Variants in SLC6A13 observed in about 807,000 individuals in gnomAD.
The protein encoded by SLC6A13 is solute carrier family 6 member 13, also known as sodium- and chloride-dependent GABA transporter 2.
In SLC6A13, 69 loss-of-function variants were observed where a neutral mutation model predicts 72.9. The ratio of observed to expected loss-of-function variants is 0.95; its 90% CI spans 0.78 to 1.16. The LOEUF is 1.16. Among genes scored for constraint, SLC6A13 ranks in the 50% most tolerant of loss-of-function variants. The pLI is 0.00. For missense variants in SLC6A13, 735 were observed against 760.5 expected, an observed-to-expected ratio of 0.97 and a Z score of 0.39; for synonymous variants, 303 against 303.0, an observed-to-expected ratio of 1.00 and a Z score of 0.00.
At chr12:241,856 G>A (rs932475757) in intron 4 of SLC6A13, among the ~76,000 whole-genome samples, 2 of 152,212 alleles carry the variant, frequency 1.3e-5, no homozygotes, top group African/African-American at 2.4e-5. Context: ...ACATAGCAAC[G>A]CTTCAGCCAA....
intron 1 of SLC6A13, among the ~76,000 whole-genome samples, chr12:261,577 G>A (rs11062182): frequency 2.0e-5 from 3 of 152,330 alleles, no homozygotes; most frequent in African/African-American, 7.2e-5. Context: ...AACTTTCTCA[G>A]CAGTAACCTC....
At chr12:221,928 A>G (rs1334160833) in intron 13 of SLC6A13, among the ~76,000 whole-genome samples, 3 of 152,202 alleles carry the variant, frequency 2.0e-5, no homozygotes, top group Non-Finnish European at 2.9e-5. Context: ...TATCTGGCAC[A>G]CAGTGGGGAG....
Position 259,926 on chromosome 12 carries a change from G to T in SLC6A13, c.127C>A (p.Leu43Met). Residue 43 changes from leucine to methionine, a missense_variant, in exon 2 of 15, where the codon CTG (leucine) becomes ATG (methionine). Physicochemically the swap from Leu to Met is conservative, Grantham distance 15 (BLOSUM62 2). Coordinates refer to ENST00000343164, the MANE Select transcript of SLC6A13 (RefSeq NM_016615.5). ...CCAATGATCTCCCCAGCCACTGACA[G>T]CACAAACTCCATCTTGTTGTTCCAG... ...GHWNNKMEFV[L>M]SVAGEIIGLG... is the part of the protein sequence containing the mutation. The T allele has an allele frequency of 6.2e-7, 1 of 1,614,200 alleles. No homozygotes were observed. Among genetic ancestry groups the T allele is most frequent in the Non-Finnish European group, 8.5e-7 (1 of 1,180,024 alleles).
intron 14 of SLC6A13, 88 bp from the exon 15 acceptor site, chr12:221,158 A>C: frequency 6.7e-7 from 1 of 1,484,406 alleles, no homozygotes; most frequent in African/African-American, 1.4e-5. Context: ...CTGCCTCCCC[A>C]CACACAAACC....
chr12:233,796 C>T (rs1335794483), intron 7 of SLC6A13, among the ~76,000 whole-genome samples: 2 of 152,086 alleles, frequency 1.3e-5, no homozygotes, highest in Admixed American at 6.5e-5. Flanking sequence ...TCCCTGGCAG[C>T]TGTGAACCCA....
At position 224,455 on chromosome 12, in the gene SLC6A13, AG is replaced by A; in HGVS notation, c.1118del (p.Pro373LeufsTer23). 2 of 1,614,188 alleles carry A rather than the reference AG, an allele frequency of 1.2e-6. No individual in the cohort carries two copies. Among genetic ancestry groups the A allele is most frequent in the South Asian group, 2.2e-5 (2 of 91,086 alleles). ...TGAAGAAGAAACAGCAGGCCCAGAG[AG>A]GAGAGAAGGGCAGCATCACCACAGC... ...PRAVVMLPFS[P>X]LWACCFFFMV... On this transcript the variant is annotated frameshift_variant, in exon 10 of 15. Transcript: ENST00000343164. LOFTEE classifies it high-confidence loss of function.
In SLC6A13 at chr12:258,095, G is replaced by A. The variant is rs78455784; in HGVS notation, c.202+1756C>T. ...AAATTCCTAAACAAGCACGTGGAGC[G>A]TTCGGCACTAGGTAAAAAGTGGGTA... On this transcript the variant is annotated intron_variant, in intron 2 of 14. Coordinates refer to ENST00000343164, the MANE Select transcript of SLC6A13 (RefSeq NM_016615.5). 1.5e-3 allele frequency among the ~76,000 whole-genome samples: 227 copies of A among 152,336 alleles called. 2 individuals carry two copies. The highest frequency in any genetic ancestry group is 4.6e-3 in the African/African-American group (192 of 41,570).
intron 7 of SLC6A13, among the ~76,000 whole-genome samples, chr12:229,882 C>T (rs77960318): frequency 0.044 from 6,726 of 152,180 alleles, 210 homozygotes; most frequent in African/African-American, 0.083. Flanking sequence ...TACCTCGCCT[C>T]GGCAGGGGTG....
chr12:259,639 G>A (rs1199399549), intron 2 of SLC6A13: 21 of 1,427,916 alleles, frequency 1.5e-5, no homozygotes, highest in Non-Finnish European at 1.7e-5. Flanking sequence ...ATATTTCTAC[G>A]ATGCCACGTT....
intron 4 of SLC6A13, among the ~76,000 whole-genome samples, chr12:238,780 G>T (rs569891980): frequency 3.3e-5 from 5 of 152,236 alleles, no homozygotes; most frequent in African/African-American, 7.2e-5. Flanking sequence ...TCAGCAAATT[G>T]TCTGGGTTCC....
At chr12:222,799 T>C (rs1042301917) in intron 12 of SLC6A13, among the ~76,000 whole-genome samples, 167 bp from the exon 13 acceptor site, 38 of 152,148 alleles carry the variant, frequency 2.5e-4, no homozygotes, top group Admixed American at 4.6e-4. Flanking sequence ...CTGGCATTCA[T>C]AGGCATAAAC....
chr12:230,850 A>G (rs764408949), intron 7 of SLC6A13, among the ~76,000 whole-genome samples: 1 of 152,218 alleles, frequency 6.6e-6, no homozygotes, highest in African/African-American at 2.4e-5. Context: ...AGAGGGACAT[A>G]ATAAGGTTAG....
chr12:237,851 C>A, intron 5 of SLC6A13, 75 bp downstream of exon 5: 1 of 1,092,490 alleles, frequency 9.2e-7, no homozygotes, highest in Non-Finnish European at 1.4e-6. Flanking sequence ...TTGAGAGTGA[C>A]CTTGGTGTGT....
chr12:246,256 T>C (rs1942345736), intron 2 of SLC6A13, among the ~76,000 whole-genome samples: 1 of 152,114 alleles, frequency 6.6e-6, no homozygotes, highest in Admixed American at 6.5e-5. Context: ...AGATGGAGGT[T>C]GCAGTGAACC....
chr12:223,373 A>C (rs1941299644), intron 11 of SLC6A13, 139 bp from the exon 12 acceptor site: 1 of 534,336 alleles, frequency 1.9e-6, no homozygotes, highest in African/African-American at 1.9e-5. Flanking sequence ...ATAAAAGAGA[A>C]GTAATTTGTA....
At chr12:243,618 T>G in intron 3 of SLC6A13, 61 bp downstream of exon 3, 1 of 1,548,088 alleles carries the variant, frequency 6.5e-7, no homozygotes, top group East Asian at 2.3e-5. Flanking sequence ...CTCAAGTCAT[T>G]CCAAACAAGG....
chr12:245,752 A>C (rs368341103), intron 2 of SLC6A13, among the ~76,000 whole-genome samples: 23 of 152,308 alleles, frequency 1.5e-4, no homozygotes, highest in South Asian at 1.0e-3. Flanking sequence ...TGGGAGGCCA[A>C]GGCAGGCAGA....
intron 6 of SLC6A13, 166 bp downstream of exon 6, chr12:236,983 AGAAGTATGT>A: frequency 1.5e-6 from 1 of 660,712 alleles, no homozygotes; most frequent in Admixed American, 2.6e-5. Context: ...CCCAAAAACC[AGAAGTATGT>A]GAGTCTAGGA....
Position 221,061 on chromosome 12 carries a change from G to A in SLC6A13, c.1696C>T (p.Gln566Ter), listed in dbSNP as rs2137242368. The change falls in exon 15 of 15, where the codon CAG becomes TAG. Residue 566 changes from glutamine to a stop codon, truncating the protein, a stop_gained. Coordinates refer to ENST00000343164, the MANE Select transcript of SLC6A13 (RefSeq NM_016615.5). LOFTEE classifies it low-confidence loss of function (END_TRUNC). ...AGGTCCTCGGCTGGGCACATGAGCT[G>A]ACGGATTCTCTGCGGGGATAGCAGA... is the stretch of plus-strand genomic sequence containing the variant. Reference protein sequence around the residue: ...LKGPFRERIRQLMCPAEDLPQ... With the variant: ...LKGPFRERIR 6.2e-7 allele frequency: 1 copy of A among 1,605,162 alleles called. No individual in the cohort carries two copies. The highest frequency in any genetic ancestry group is 8.5e-7 in the Non-Finnish European group (1 of 1,176,878).
Sources: allele counts gnomAD v4.1 joint callset (sites outside exome capture counted in the v4.1 genomes callset), GRCh38; gene constraint gnomAD v4.1.1; transcripts MANE v1.5; gene names NCBI Gene and HGNC (gene_info 2026-07-23, HGNC 2026-07-21).